The following SLC36A1 variants were observed in gnomAD, a reference collection of about 807,000 sequenced individuals.
SLC36A1 encodes the protein solute carrier family 36 member 1.
SLC36A1 carries 30 observed loss-of-function variants against 47.5 expected under a neutral mutation model. That is an observed-to-expected ratio of 0.63 (90% CI 0.47 to 0.86). The LOEUF is 0.86. Among genes scored for constraint, SLC36A1 ranks in the 40% least tolerant of loss-of-function variants. SLC36A1 has a pLI of 0.00. For missense variants in SLC36A1, 517 were observed against 606.0 expected (o/e 0.85, Z 1.54); for synonymous variants, 255 against 249.7 (o/e 1.02, Z -0.20).
chr5:151,542,451 A>T, the SLC36A1 span: 1 of 1,614,170 alleles, frequency 6.2e-7, no homozygotes, highest in Non-Finnish European at 8.5e-7. Flanking sequence ...TGGAGACCTG[A>T]ACCAGGGCCT....
At chr5:151,518,360 A>AT in the SLC36A1 span, among the ~76,000 whole-genome samples, 2 of 132,032 alleles carry the variant, frequency 1.5e-5, no homozygotes, top group African/African-American at 2.6e-5. Flanking sequence ...AATAATAATA[A>AT]TAATAATAAT....
downstream of SLC36A1, among the ~76,000 whole-genome samples, chr5:151,496,239 A>G (rs1184275286): frequency 6.6e-6 from 1 of 152,144 alleles, no homozygotes; most frequent in African/African-American, 2.4e-5. Context: ...CTGTTTGCCT[A>G]CCGCCATCCG....
At chr5:151,551,440 C>G in the SLC36A1 span, 1 of 1,611,212 alleles carries the variant, frequency 6.2e-7, no homozygotes. Flanking sequence ...CCTCTCAATA[C>G]AGGGGTCCCC....
intron 1 of SLC36A1, among the ~76,000 whole-genome samples, chr5:151,448,252 G>T (rs1398973863): frequency 6.6e-6 from 1 of 152,222 alleles, no homozygotes; most frequent in Non-Finnish European, 1.5e-5. Context: ...AGGTCATCCA[G>T]TGAGTTAATC....
At chr5:151,465,307 TGCTGGTA>T in intron 5 of SLC36A1, 138 bp downstream of exon 5, 1 of 717,570 alleles carries the variant, frequency 1.4e-6, no homozygotes, top group Non-Finnish European at 2.4e-6. Flanking sequence ...GGCTCAGCTC[TGCTGGTA>T]GTAAGCTGTG....
At position 151,481,307 on chromosome 5, in the gene SLC36A1, C is replaced by G. The variant is rs13359993; in HGVS notation, c.1159+1818C>G. 2.5e-3 allele frequency among the ~76,000 whole-genome samples: 376 copies of G among 152,220 alleles called. 2 individuals are homozygous for G. The highest frequency in any genetic ancestry group is 8.5e-3 in the African/African-American group (353 of 41,538). On this transcript the variant is annotated intron_variant, in intron 10 of 10. Transcript: ENST00000243389. ...TGCATTGTCATCCTGTTCAAAAAGGCAGCCCCCTTTATGTCTGAGAGCACT... is the reference window on the plus strand; with the variant it reads ...TGCATTGTCATCCTGTTCAAAAAGGGAGCCCCCTTTATGTCTGAGAGCACT...
At chr5:151,354,026 G>A in the SLC36A1 span, among the ~76,000 whole-genome samples, 1 of 152,150 alleles carries the variant, frequency 6.6e-6, no homozygotes, top group African/African-American at 2.4e-5. Flanking sequence ...ACTATCTGCC[G>A]GGTGCAGTGG....
At chr5:151,371,969 T>C in the SLC36A1 span, among the ~76,000 whole-genome samples, 1 of 152,194 alleles carries the variant, frequency 6.6e-6, no homozygotes, top group African/African-American at 2.4e-5. Flanking sequence ...CTCCTTTTAA[T>C]AGCACATTAA....
the SLC36A1 span, among the ~76,000 whole-genome samples, chr5:151,539,076 C>T: frequency 1.3e-5 from 2 of 152,024 alleles, no homozygotes; most frequent in African/African-American, 4.8e-5. Context: ...CTCAGCCTCT[C>T]CAAGCATGGG....
At chr5:151,423,161 A>G in the SLC36A1 span, among the ~76,000 whole-genome samples, 1 of 152,268 alleles carries the variant, frequency 6.6e-6, no homozygotes, top group Non-Finnish European at 1.5e-5. Flanking sequence ...GTAAAGCAGC[A>G]GGAACTTTCA....
At chr5:151,497,559 GCCATATGCATAACTTCTATTTTTGGCA>G in the SLC36A1 span, among the ~76,000 whole-genome samples, 4 of 152,214 alleles carry the variant, frequency 2.6e-5, no homozygotes, top group African/African-American at 9.6e-5. Context: ...AATGAGCAAA[GCCATATGCATAACTTCTATTTTTGGCA>G]TAAGGGTACT....
At chr5:151,374,002 C>G in the SLC36A1 span, among the ~76,000 whole-genome samples, 4 of 152,158 alleles carry the variant, frequency 2.6e-5, no homozygotes, top group African/African-American at 9.7e-5. Flanking sequence ...GAAAGATTCT[C>G]CCCGGGGCCT....
At chr5:151,482,825 A>G (rs1758986624) in intron 10 of SLC36A1, among the ~76,000 whole-genome samples, 1 of 152,216 alleles carries the variant, frequency 6.6e-6, no homozygotes, top group Non-Finnish European at 1.5e-5. Context: ...TTAAAGGCAT[A>G]TTTATAGACA....
At chr5:151,473,174 CTAGATAGATAGATAGATAGA>C (rs71575106) in intron 7 of SLC36A1, among the ~76,000 whole-genome samples, 119 of 132,036 alleles carry the variant, frequency 9.0e-4, no homozygotes, top group African/African-American at 2.9e-3. Context: ...GACTCTGTCT[CTAGATAGATAGATAGATAGA>C]TAGATAGATA....
chr5:151,376,885 G>A, the SLC36A1 span, among the ~76,000 whole-genome samples: 15 of 152,154 alleles, frequency 9.9e-5, no homozygotes, highest in East Asian at 2.1e-3. Flanking sequence ...CACCTGCCTC[G>A]GCTTCCCAAA....
chr5:151,393,739 C>T, the SLC36A1 span, among the ~76,000 whole-genome samples: 1 of 152,174 alleles, frequency 6.6e-6, no homozygotes, highest in African/African-American at 2.4e-5. Flanking sequence ...CCCCCACTCT[C>T]TTCTGGCTTG....
chr5:151,546,019 A>T, the SLC36A1 span: 2 of 1,614,164 alleles, frequency 1.2e-6, no homozygotes, highest in Non-Finnish European at 1.7e-6. Context: ...GTTCATAGAG[A>T]AGACTCCATC....
chr5:151,365,593 G>C, the SLC36A1 span, among the ~76,000 whole-genome samples: 2 of 152,174 alleles, frequency 1.3e-5, no homozygotes, highest in Non-Finnish European at 2.9e-5. Context: ...GGAAACTGAG[G>C]CTCAGAGAGG....
At chr5:151,382,157 G>C in the SLC36A1 span, 1 of 963,280 alleles carries the variant, frequency 1.0e-6, no homozygotes, top group Non-Finnish European at 1.7e-6. Flanking sequence ...ACTCTGAATT[G>C]AAGGCTTTGG....
Sources: allele counts gnomAD v4.1 joint callset (sites outside exome capture counted in the v4.1 genomes callset), GRCh38; gene constraint gnomAD v4.1.1; transcripts MANE v1.5; gene names NCBI Gene and HGNC (gene_info 2026-07-23, HGNC 2026-07-21).